UGT8: variants seen among roughly 807,000 people sequenced by gnomAD.
UGT8 encodes 2-hydroxyacylsphingosine 1-beta-galactosyltransferase.
Under a neutral mutation model 40.5 loss-of-function variants are expected in UGT8, and 12 were observed. The observed-to-expected ratio is 0.30, with a 90% CI of 0.19 to 0.48. The LOEUF (loss-of-function observed/expected upper bound fraction) is 0.48. Ranked by LOEUF, UGT8 falls within the 20% of genes least tolerant of loss-of-function variation. The probability of loss-of-function intolerance (pLI) is 0.99; values close to 1 mark genes in which losing one functional copy is unlikely to be tolerated. For missense variants in UGT8, 513 were observed against 648.7 expected, an observed-to-expected ratio of 0.79 and a Z score of 2.27; for synonymous variants, 224 against 240.4, an observed-to-expected ratio of 0.93 and a Z score of 0.63.
intron 2 of UGT8, among the ~76,000 whole-genome samples, chr4:114,662,538 T>C (rs557765547): frequency 2.0e-5 from 3 of 152,338 alleles, no homozygotes; most frequent in East Asian, 1.9e-4. Context: ...TTTTCTTCCC[T>C]ACCAGATAAT....
chr4:114,606,919 G>A (rs1730769026), intron 1 of UGT8, among the ~76,000 whole-genome samples: 1 of 152,182 alleles, frequency 6.6e-6, no homozygotes, highest in East Asian at 1.9e-4. Context: ...ACATGCCTGT[G>A]ATCCTCAATG....
intron 1 of UGT8, among the ~76,000 whole-genome samples, chr4:114,599,984 T>TA (rs1237307597): frequency 6.6e-6 from 1 of 152,076 alleles, no homozygotes; most frequent in East Asian, 1.9e-4. Context: ...AGGAAAGGAA[T>TA]AGCCTCTGTA....
At chr4:114,657,029 T>A (rs1437854058) in intron 2 of UGT8, among the ~76,000 whole-genome samples, 3 of 152,198 alleles carry the variant, frequency 2.0e-5, no homozygotes, top group South Asian at 2.1e-4. Context: ...AGTCCATTAA[T>A]CAAATTTCTT....
chr4:114,654,829 AAGT>A (rs1429350918), intron 2 of UGT8, among the ~76,000 whole-genome samples: 1 of 152,090 alleles, frequency 6.6e-6, no homozygotes, highest in African/African-American at 2.4e-5. Flanking sequence ...TTACCTGCCC[AAGT>A]TTATACAGTG....
chr4:114,657,752 A>C (rs1734276527), intron 2 of UGT8, among the ~76,000 whole-genome samples: 1 of 151,972 alleles, frequency 6.6e-6, no homozygotes, highest in Non-Finnish European at 1.5e-5. Context: ...ATTACTTATC[A>C]GATATCATGG....
At chr4:114,667,163 A>T (rs960673717) in intron 4 of UGT8, among the ~76,000 whole-genome samples, 4 of 152,080 alleles carry the variant, frequency 2.6e-5, no homozygotes, top group Non-Finnish European at 5.9e-5. Context: ...AACCAATTCC[A>T]CCAGTCTTCA....
At chr4:114,603,660 G>T (rs1473595843) in intron 1 of UGT8, among the ~76,000 whole-genome samples, 1 of 152,120 alleles carries the variant, frequency 6.6e-6, no homozygotes, top group Admixed American at 6.5e-5. Context: ...CCCCTCTCGA[G>T]CCCCGAATAG....
intron 5 of UGT8, among the ~76,000 whole-genome samples, chr4:114,670,511 A>T (rs376785429): frequency 1.3e-5 from 2 of 151,816 alleles, no homozygotes; most frequent in African/African-American, 4.8e-5. Context: ...CTGGTTCAAC[A>T]TATGTAAATC....
At chr4:114,646,342 T>C (rs1249204199) in intron 2 of UGT8, among the ~76,000 whole-genome samples, 2 of 151,516 alleles carry the variant, frequency 1.3e-5, no homozygotes, top group African/African-American at 4.8e-5. Context: ...ATGAACATTA[T>C]ATATATATAT....
intron 2 of UGT8, among the ~76,000 whole-genome samples, chr4:114,626,300 A>G (rs981362270): frequency 6.6e-5 from 10 of 152,192 alleles, no homozygotes; most frequent in African/African-American, 2.4e-4. Flanking sequence ...TATTATTTAC[A>G]GGGCATTGTT....
chr4:114,609,283 C>T (rs977907465), intron 1 of UGT8, among the ~76,000 whole-genome samples: 1 of 152,096 alleles, frequency 6.6e-6, no homozygotes, highest in African/African-American at 2.4e-5. Flanking sequence ...GAAAATTCCT[C>T]AGCTAAAGTA....
intron 2 of UGT8, among the ~76,000 whole-genome samples, chr4:114,649,775 T>C (rs2126120997): frequency 6.6e-6 from 1 of 152,264 alleles, no homozygotes; most frequent in Admixed American, 6.5e-5. Context: ...AGGAAGTGTC[T>C]TCCACAATGA....
In UGT8 at chr4:114,665,489, C is replaced by T. The variant is rs1372587730; in HGVS notation, c.966-191C>T. On this transcript the variant is annotated intron_variant, in intron 3 of 5. Transcript: ENST00000310836. ...AGCAAATTATTTCTTGTTTTTCCTC[C>T]AACCAGTGAAAGTTTTTATTAAAAA... 32 of 980,346 alleles carry T rather than the reference C, an allele frequency of 3.3e-5. 1 individual carries two copies. In the Admixed American group the frequency reaches 1.8e-3, roughly 57 times the overall value. The allele number at this position is 980,346 out of a possible 1,614,324, so 60.7% of individuals were successfully genotyped here. A position where few individuals can be genotyped will look rare whatever the true frequency, so the allele number is the denominator to read the frequency against.
At chr4:114,603,516 G>T (rs1276491523) in intron 1 of UGT8, among the ~76,000 whole-genome samples, 1 of 152,014 alleles carries the variant, frequency 6.6e-6, no homozygotes, top group African/African-American at 2.4e-5. Flanking sequence ...AAAACGAGAA[G>T]GTACAGAACA....
At chr4:114,602,649 G>A (rs1730507900) in intron 1 of UGT8, among the ~76,000 whole-genome samples, 1 of 152,204 alleles carries the variant, frequency 6.6e-6, no homozygotes, top group South Asian at 2.1e-4. Flanking sequence ...AGACAAGGAG[G>A]AAACAGGCTA....
intron 2 of UGT8, among the ~76,000 whole-genome samples, chr4:114,649,347 A>G (rs998535522): frequency 3.9e-5 from 6 of 152,162 alleles, no homozygotes; most frequent in Admixed American, 3.9e-4. Context: ...ATTTATTTGA[A>G]GTCTCCTGTT....
rs1304016624 is a variant in UGT8 at position 114,623,847 on chromosome 4, C to T, written c.822+145C>T. 17 of 1,141,710 alleles carry T rather than the reference C, an allele frequency of 1.5e-5. No homozygotes were observed. The East Asian group carries it at 3.8e-4, about 25-fold the overall frequency. 70.7% of individuals were successfully genotyped at this position (1,141,710 alleles called of 1,614,324 possible). A position where few individuals can be genotyped will look rare whatever the true frequency, so the allele number is the denominator to read the frequency against. On this transcript the variant is annotated intron_variant, in intron 2 of 5. Coordinates refer to ENST00000310836, the MANE Select transcript of UGT8 (RefSeq NM_001128174.3). ...TTAGGACATGGGGCCTCCAAAGTCC[C>T]TTTATGTGGGTCCACCACTTCCCTG...
intron 1 of UGT8, among the ~76,000 whole-genome samples, chr4:114,614,650 A>G (rs2126091343): frequency 7.5e-6 from 1 of 133,240 alleles, no homozygotes; most frequent in African/African-American, 2.6e-5. Context: ...TTTCAGTTTT[A>G]TTTCTGCAGT....
chr4:114,604,642 G>A (rs1031331029), intron 1 of UGT8, among the ~76,000 whole-genome samples: 4 of 151,912 alleles, frequency 2.6e-5, no homozygotes, highest in Admixed American at 2.6e-4. Context: ...CATAATTTGA[G>A]AAAATGTTTA....
Sources: allele counts gnomAD v4.1 joint callset (sites outside exome capture counted in the v4.1 genomes callset), GRCh38; gene constraint gnomAD v4.1.1; transcripts MANE v1.5; gene names NCBI Gene and HGNC (gene_info 2026-07-23, HGNC 2026-07-21).